The following SERINC5 variants were observed in gnomAD, a reference collection of about 807,000 sequenced individuals.
SERINC5 encodes the protein serine incorporator 5.
In SERINC5, 41 loss-of-function variants were observed where a neutral mutation model predicts 63.1. The ratio of observed to expected loss-of-function variants is 0.65; its 90% CI spans 0.51 to 0.84. The LOEUF is 0.84. SERINC5 is among the 40% of genes least tolerant of loss of function. The pLI, the probability that SERINC5 is intolerant of heterozygous loss-of-function variation, is 0.00. For synonymous variants in SERINC5, 222 were observed against 215.2 expected (o/e 1.03, Z -0.28); for missense variants, 523 against 573.0 (o/e 0.91, Z 0.89).
chr5:80,237,806 CA>C (rs1751764675), intron 1 of SERINC5, among the ~76,000 whole-genome samples: 1 of 151,448 alleles, frequency 6.6e-6, no homozygotes, highest in African/African-American at 2.4e-5. Flanking sequence ...CTCTTGCTTC[CA>C]AAAAATATGC....
chr5:80,112,197 G>A (rs541041774), intron 12 of SERINC5, among the ~76,000 whole-genome samples: 79 of 152,310 alleles, frequency 5.2e-4, no homozygotes, highest in African/African-American at 1.9e-3. Flanking sequence ...CGAACGGAAT[G>A]TCTCGGTATA....
intron 1 of SERINC5, among the ~76,000 whole-genome samples, chr5:80,241,258 C>T (rs1252000911): frequency 9.5e-6 from 1 of 104,728 alleles, no homozygotes; most frequent in African/African-American, 4.2e-5. Flanking sequence ...ATCACGAGGT[C>T]AGGAGATCGA....
chr5:80,205,348 A>G (rs1356978626), intron 1 of SERINC5, among the ~76,000 whole-genome samples: 1 of 152,194 alleles, frequency 6.6e-6, no homozygotes, highest in African/African-American at 2.4e-5. Flanking sequence ...CTCGGACAAC[A>G]TGACCATCAA....
At chr5:80,227,957 C>T (rs1272457939) in intron 1 of SERINC5, among the ~76,000 whole-genome samples, 1 of 149,112 alleles carries the variant, frequency 6.7e-6, no homozygotes, top group Non-Finnish European at 1.5e-5. Context: ...CATGGTGGCT[C>T]ACATCTGTAA....
intron 11 of SERINC5, among the ~76,000 whole-genome samples, chr5:80,129,393 T>G (rs1460290537): frequency 3.9e-5 from 6 of 152,238 alleles, no homozygotes; most frequent in Admixed American, 3.3e-4. Flanking sequence ...GGAACTCATC[T>G]GCTGCACTCA....
At chr5:80,211,180 G>A (rs543600605) in intron 1 of SERINC5, among the ~76,000 whole-genome samples, 78 of 152,318 alleles carry the variant, frequency 5.1e-4, no homozygotes, top group Admixed American at 2.5e-3. Flanking sequence ...ACTAAAAAGT[G>A]GAGCAGCGGT....
At chr5:80,230,448 A>C (rs1309583625) in intron 1 of SERINC5, among the ~76,000 whole-genome samples, 1 of 142,564 alleles carries the variant, frequency 7.0e-6, no homozygotes, top group Non-Finnish European at 1.5e-5. Context: ...ACTGTCACAA[A>C]AAAAAAAAAA....
intron 10 of SERINC5, 68 bp from the exon 11 acceptor site, chr5:80,146,302 G>T: frequency 1.3e-6 from 2 of 1,572,408 alleles, no homozygotes; most frequent in African/African-American, 1.3e-5. Context: ...GCAAAGTCAC[G>T]CTCGCTAATT....
At position 80,142,883 on chromosome 5, in the gene SERINC5, T is replaced by G. The variant is rs913958549; in HGVS notation, c.*780A>C. 2.0e-6 allele frequency: 2 copies of G among 985,314 alleles called. No homozygotes were observed. The highest frequency in any genetic ancestry group is 2.4e-6 in the Non-Finnish European group (2 of 829,928). 61.0% of individuals were successfully genotyped at this position (985,314 alleles called of 1,614,324 possible). On this transcript the variant is annotated 3_prime_UTR_variant, in exon 12 of 12. Transcript: ENST00000507668. ...GAATCTTGTTCTATAATCATGTGAA[T>G]AACACCATAAATAAGCGCCGTACTT... is the stretch of plus-strand genomic sequence containing the variant.
chr5:80,229,050 T>TGGGGCGGGGG lies in SERINC5; in HGVS notation c.28-25998_28-25997insCCCCCGCCCC, dbSNP rs1174325559. Among the ~76,000 whole-genome samples, 8 of 94,164 alleles carry TGGGGCGGGGG rather than the reference T, an allele frequency of 8.5e-5. 1 individual carries two copies. The highest frequency in any genetic ancestry group is 3.5e-4 in the East Asian group (1 of 2,896). 61.8% of individuals were successfully genotyped at this position (94,164 alleles called of 152,430 possible). On this transcript the variant is annotated intron_variant, in intron 1 of 11. Transcript: ENST00000507668. The stretch of plus-strand genomic sequence containing the variant: ...TTTTTTTTTTTTTTTTTTTTTTTTT[T>TGGGGCGGGGG]GGGGATGGAGTTGCCTAGGCTGGAG...
intron 1 of SERINC5, among the ~76,000 whole-genome samples, chr5:80,207,493 T>C (rs1750231100): frequency 6.6e-6 from 1 of 152,234 alleles, no homozygotes; most frequent in African/African-American, 2.4e-5. Context: ...TAATTGGAAC[T>C]GATCATCTAA....
At chr5:80,118,321 G>A (rs1404183780) in intron 11 of SERINC5, among the ~76,000 whole-genome samples, 2 of 152,266 alleles carry the variant, frequency 1.3e-5, no homozygotes, top group South Asian at 2.1e-4. Context: ...GGATGTAGAC[G>A]TCTTTTTGGG....
At chr5:80,225,734 T>C in intron 1 of SERINC5, among the ~76,000 whole-genome samples, 1 of 152,064 alleles carries the variant, frequency 6.6e-6, no homozygotes, top group Non-Finnish European at 1.5e-5. Context: ...CACTCACACA[T>C]GCACACGAGT....
At chr5:80,188,765 G>A (rs1220744779) in intron 2 of SERINC5, among the ~76,000 whole-genome samples, 4 of 152,056 alleles carry the variant, frequency 2.6e-5, no homozygotes, top group African/African-American at 9.7e-5. Context: ...GTGCACGCCT[G>A]TAGTCCCAGT....
At chr5:80,226,363 C>T (rs1488963589) in intron 1 of SERINC5, among the ~76,000 whole-genome samples, 2 of 152,158 alleles carry the variant, frequency 1.3e-5, no homozygotes, top group Non-Finnish European at 2.9e-5. Flanking sequence ...AGAGGTTAAC[C>T]GACTTTCCAG....
chr5:80,161,108 A>T (rs1275555416), intron 7 of SERINC5, among the ~76,000 whole-genome samples: 2 of 151,882 alleles, frequency 1.3e-5, no homozygotes. Context: ...GTTGATGGAC[A>T]CTTAAAGGTG....
intron 1 of SERINC5, among the ~76,000 whole-genome samples, chr5:80,247,033 C>T (rs530783955): frequency 3.9e-5 from 6 of 152,158 alleles, no homozygotes; most frequent in Non-Finnish European, 8.8e-5. Context: ...ACTCAGAACA[C>T]TAAGAAAACA....
Position 80,255,999 on chromosome 5 carries a change from G to C in SERINC5, c.-77C>G. ...CCCTCCTGGCTGCCTCGCGCCTCGAGCGCTGGGCTCAGCCGCAGCTCACAC... is the reference window on the plus strand; with the variant it reads ...CCCTCCTGGCTGCCTCGCGCCTCGACCGCTGGGCTCAGCCGCAGCTCACAC... On this transcript the variant is annotated 5_prime_UTR_variant, in exon 1 of 12. Transcript: ENST00000507668. The C allele has an allele frequency of 1.5e-6, 2 of 1,378,598 alleles. No homozygotes were observed. Among genetic ancestry groups the C allele is most frequent in the Non-Finnish European group, 9.5e-7 (1 of 1,050,590 alleles). 85.4% of individuals were successfully genotyped at this position (1,378,598 alleles called of 1,614,324 possible).
At chr5:80,239,494 T>C (rs1751857318) in intron 1 of SERINC5, among the ~76,000 whole-genome samples, 1 of 147,920 alleles carries the variant, frequency 6.8e-6, no homozygotes, top group Admixed American at 6.9e-5. Flanking sequence ...TCATGTCACA[T>C]GGGTAATGTA....
Sources: allele counts gnomAD v4.1 joint callset (sites outside exome capture counted in the v4.1 genomes callset), GRCh38; gene constraint gnomAD v4.1.1; transcripts MANE v1.5; gene names NCBI Gene and HGNC (gene_info 2026-07-23, HGNC 2026-07-21).